RP1: variants seen among roughly 807,000 people sequenced by gnomAD.
The protein encoded by RP1 is oxygen-regulated protein 1.
A neutral mutation model predicts 14.8 loss-of-function variants in RP1; 16 were observed. The ratio of observed to expected loss-of-function variants is 1.08; its 90% confidence interval spans 0.73 to 1.65. RP1 has a LOEUF of 1.65. RP1 is among the 40% of genes most tolerant of loss of function. RP1 has a pLI of 0.00. For synonymous variants in RP1, 876 were observed against 883.6 expected (o/e 0.99, Z 0.15); for missense variants, 2,631 against 2,535.0 (o/e 1.04, Z -0.81).
chr8:54,616,699 T>C (rs1230442888), intron 1 of RP1, among the ~76,000 whole-genome samples: 1 of 152,264 alleles, frequency 6.6e-6, no homozygotes, highest in Non-Finnish European at 1.5e-5. Context: ...TTCTGTACAT[T>C]CTGTATTTCT....
intron 19 of RP1, among the ~76,000 whole-genome samples, chr8:54,749,923 C>A (rs535172239): frequency 6.6e-6 from 1 of 150,990 alleles, no homozygotes; most frequent in Non-Finnish European, 1.5e-5. Context: ...GACTGATGGG[C>A]TAGAGAATTC....
downstream of RP1, among the ~76,000 whole-genome samples, chr8:54,772,798 T>C (rs141574501): frequency 4.6e-5 from 7 of 152,220 alleles, no homozygotes; most frequent in Non-Finnish European, 7.3e-5. Context: ...TAAAAATGTG[T>C]GTGTGAGAGA....
intron 24 of RP1, among the ~76,000 whole-genome samples, chr8:54,823,172 G>A (rs879885097): frequency 8.1e-4 from 123 of 152,144 alleles, no homozygotes; most frequent in African/African-American, 2.9e-3. Flanking sequence ...GCCCTCCCCG[G>A]TGGGTGCTGT....
intron 21 of RP1, among the ~76,000 whole-genome samples, chr8:54,758,727 T>C (rs1017226023): frequency 6.6e-6 from 1 of 152,178 alleles, no homozygotes; most frequent in Admixed American, 6.5e-5. Flanking sequence ...CAGCCAGAAA[T>C]ATATTTTTAA....
At chr8:54,766,705 G>C (rs1459131762) in intron 22 of RP1, among the ~76,000 whole-genome samples, 1 of 152,180 alleles carries the variant, frequency 6.6e-6, no homozygotes, top group Non-Finnish European at 1.5e-5. Context: ...TATGTTTTAA[G>C]GCGGGAGCAC....
At chr8:54,860,257 A>G (rs1812313834) in intron 27 of RP1, among the ~76,000 whole-genome samples, 1 of 152,326 alleles carries the variant, frequency 6.6e-6, no homozygotes, top group South Asian at 2.1e-4. Context: ...AACTTCCAAA[A>G]TACTGATTTT....
intron 1 of RP1, among the ~76,000 whole-genome samples, chr8:54,582,575 T>A (rs1804821996): frequency 6.6e-6 from 1 of 152,156 alleles, no homozygotes; most frequent in African/African-American, 2.4e-5. Flanking sequence ...TGGCATTGAA[T>A]CTATAAATTA....
At chr8:54,725,586 G>A (rs572725862) in intron 16 of RP1, among the ~76,000 whole-genome samples, 5 of 152,234 alleles carry the variant, frequency 3.3e-5, no homozygotes, top group South Asian at 2.1e-4. Context: ...ATCTTACATC[G>A]TTGACTGCAA....
chr8:54,661,183 TATA>T (rs903906857), intron 6 of RP1, among the ~76,000 whole-genome samples: 1 of 147,350 alleles, frequency 6.8e-6, no homozygotes, highest in Non-Finnish European at 1.5e-5. Flanking sequence ...TGTAATATAA[TATA>T]ATGTTATAAT....
intron 12 of RP1, chr8:54,697,254 C>A: frequency 1.0e-5 from 6 of 586,218 alleles, no homozygotes; most frequent in Admixed American, 2.7e-5. Flanking sequence ...AAGGAAGGGT[C>A]AAAAAAAAGA....
chr8:54,636,732 C>G (rs1045056894), intron 3 of RP1, among the ~76,000 whole-genome samples: 30 of 152,216 alleles, frequency 2.0e-4, no homozygotes, highest in African/African-American at 7.0e-4. Flanking sequence ...GAGCAAAACT[C>G]CCTCTCAAAA....
intron 7 of RP1, among the ~76,000 whole-genome samples, chr8:54,668,585 A>T (rs780780734): frequency 1.1e-4 from 17 of 152,326 alleles, no homozygotes; most frequent in Non-Finnish European, 1.8e-4. Context: ...CTAAGCCAAA[A>T]GAACAAAGCT....
At chr8:54,853,792 GA>G in intron 26 of RP1, among the ~76,000 whole-genome samples, 2 of 115,860 alleles carry the variant, frequency 1.7e-5, no homozygotes, top group African/African-American at 7.4e-5. Context: ...GAGAAAGAAA[GA>G]GAGAGAGAAA....
At chr8:54,606,143 G>T (rs1186379810) in intron 1 of RP1, among the ~76,000 whole-genome samples, 1 of 152,072 alleles carries the variant, frequency 6.6e-6, no homozygotes, top group African/African-American at 2.4e-5. Context: ...AACTTTGATG[G>T]TCCTTACAAT....
At chr8:54,696,169 T>C (rs569546956) in intron 12 of RP1, among the ~76,000 whole-genome samples, 1 of 152,284 alleles carries the variant, frequency 6.6e-6, no homozygotes, top group South Asian at 2.1e-4. Context: ...CATTTACCAA[T>C]GCTAGATGAA....
At chr8:54,721,088 C>A (rs1483132840) in intron 16 of RP1, among the ~76,000 whole-genome samples, 1 of 152,132 alleles carries the variant, frequency 6.6e-6, no homozygotes, top group Non-Finnish European at 1.5e-5. Flanking sequence ...ATATAATATC[C>A]CACAGAAGAT....
chr8:54,589,844 T>A (rs1470531905), intron 1 of RP1, among the ~76,000 whole-genome samples: 1 of 152,254 alleles, frequency 6.6e-6, no homozygotes, highest in Non-Finnish European at 1.5e-5. Flanking sequence ...GCCACTGGAA[T>A]GGACTTAAAA....
At chr8:54,794,422 C>T (rs1007479775) in intron 24 of RP1, among the ~76,000 whole-genome samples, 17 of 96,736 alleles carry the variant, frequency 1.8e-4, no homozygotes, top group Admixed American at 5.8e-4. Context: ...CATGCATATA[C>T]GACCGTTTGT....
chr8:54,632,611 C>T (rs975705202), downstream of RP1, among the ~76,000 whole-genome samples: 1 of 152,164 alleles, frequency 6.6e-6, no homozygotes, highest in Non-Finnish European at 1.5e-5. Flanking sequence ...ATTTCAGATC[C>T]ATACATGTAG....
Sources: gnomAD v4.1 joint callset for allele counts (sites outside exome capture counted in the v4.1 genomes callset) on GRCh38, gnomAD v4.1.1 for gene constraint, MANE v1.5 for transcripts, NCBI Gene and HGNC (gene_info 2026-07-23, HGNC 2026-07-21) for gene names.